The following NLRP2 variants were observed in gnomAD, a reference collection of about 807,000 sequenced individuals.
The protein encoded by NLRP2 is NLR family pyrin domain containing 2.
In NLRP2, 107 loss-of-function variants were observed where a neutral mutation model predicts 97.2. That is an observed-to-expected ratio of 1.10 (90% confidence interval 0.94 to 1.29). The LOEUF is 1.29. NLRP2 is among the 50% of genes most tolerant of loss of function. NLRP2 has a pLI of 0.00. For synonymous variants in NLRP2, 663 were observed against 551.5 expected, an observed-to-expected ratio of 1.20 and a Z score of -2.83; for missense variants, 1,495 against 1,330.3, an observed-to-expected ratio of 1.12 and a Z score of -1.93.
rs760200706 is a variant in NLRP2 at position 54,986,232 on chromosome 19, C to T, written c.2283C>T (p.Thr761=). 2.5e-6 allele frequency: 4 copies of T among 1,613,390 alleles called. No individual in the cohort carries two copies. Among genetic ancestry groups the T allele is most frequent in the Non-Finnish European group, 3.4e-6 (4 of 1,179,372 alleles). The change falls in exon 8 of 13, where the codon ACC becomes ACT. Residue 761 remains threonine (T), a synonymous_variant. Coordinates refer to ENST00000448584, the MANE Select transcript of NLRP2 (RefSeq NM_017852.5). ...GTCACAAGACTGTAACGTATCTGAC[C>T]CTTCAAGGCAATGACCAGGATGATA... ...LRGHKTVTYL[T]LQGNDQDDMF...
intron 4 of NLRP2, among the ~76,000 whole-genome samples, chr19:54,981,402 A>G (rs1057045386): frequency 2.0e-5 from 3 of 151,934 alleles, no homozygotes; most frequent in African/African-American, 7.3e-5. Flanking sequence ...CCTGAGCTCA[A>G]GTGATCCACC....
chr19:54,986,589 TGCCCAGGCCAAAGTGCAATG>T (rs2072106170), intron 8 of NLRP2, among the ~76,000 whole-genome samples: 1 of 151,930 alleles, frequency 6.6e-6, no homozygotes, highest in South Asian at 2.1e-4. Context: ...CTTGCTCTGT[TGCCCAGGCCAAAGTGCAATG>T]GCACGATCTT....
chr19:54,989,000 C>G (rs1459072442), intron 8 of NLRP2, among the ~76,000 whole-genome samples: 1 of 152,000 alleles, frequency 6.6e-6, no homozygotes, highest in Non-Finnish European at 1.5e-5. Flanking sequence ...CTCTGTCGCC[C>G]AGGCTAGAGT....
At chr19:54,985,310 C>A in intron 7 of NLRP2, 93 bp downstream of exon 7, 5 of 1,168,728 alleles carry the variant, frequency 4.3e-6, no homozygotes, top group South Asian at 2.5e-5. Context: ...CTGTACTAGA[C>A]TCTTAAGTGC....
intron 3 of NLRP2, among the ~76,000 whole-genome samples, chr19:54,975,933 T>C (rs2071203335): frequency 6.6e-6 from 1 of 151,822 alleles, no homozygotes. Flanking sequence ...GTATTTTTGG[T>C]AGGGACAGTT....
rs36061621 is a variant in NLRP2 at position 54,984,485 on chromosome 19, C to CTTTTTTTTTTTTTTT, written c.2031-561_2031-547dup. Among the ~76,000 whole-genome samples the CTTTTTTTTTTTTTTT allele has an allele frequency of 1.6e-3, 124 of 76,904 alleles. 17 individuals carry two copies. Among genetic ancestry groups the CTTTTTTTTTTTTTTT allele is most frequent in the Middle Eastern group, 7.1e-3 (1 of 140 alleles). The allele number at this position is 76,904 out of a possible 152,430, so 50.5% of individuals were successfully genotyped here. ...ATGTATAGATATGTATATTCCCAAT[C>CTTTTTTTTTTTTTTT]TTTTTTTTTTTTTTTGAGACGGAGT... On this transcript the variant is annotated intron_variant, in intron 6 of 12. Coordinates refer to ENST00000448584, the MANE Select transcript of NLRP2 (RefSeq NM_017852.5).
intron 3 of NLRP2, among the ~76,000 whole-genome samples, chr19:54,977,487 TTGTGTGTG>T (rs61515967): frequency 0.069 from 10,148 of 147,386 alleles, 1,105 homozygotes; most frequent in African/African-American, 0.23. Context: ...CGTGAGTAGT[TTGTGTGTG>T]TGTGTGTGTG....
intron 5 of NLRP2, 28 bp downstream of exon 5, chr19:54,981,710 C>G (rs370478609): frequency 1.6e-6 from 2 of 1,231,128 alleles, no homozygotes; most frequent in Non-Finnish European, 2.4e-6. Flanking sequence ...CTGCAGGGAG[C>G]TTGGGATCAG....
At chr19:54,998,631 CTTT>C (rs1179005483) in intron 12 of NLRP2, among the ~76,000 whole-genome samples, 14,447 of 61,816 alleles carry the variant, frequency 0.23, 1,189 homozygotes, top group Non-Finnish European at 0.28. Flanking sequence ...TTTTTTTTTC[CTTT>C]TTTTTTTTTT....
At position 54,983,230 on chromosome 19, in the gene NLRP2, C is replaced by G; in HGVS notation, c.1532C>G (p.Thr511Ser). The G allele has an allele frequency of 2.5e-6, 4 of 1,614,056 alleles. 1 individual carries two copies. The highest frequency in any genetic ancestry group is 3.4e-6 in the Non-Finnish European group (4 of 1,179,974). The change falls in exon 6 of 13, where the codon ACT (threonine) becomes AGT (serine). Residue 511 changes from threonine to serine, a missense_variant. Transcript: ENST00000448584. ...FIHLSFQQFL[T>S]ALFYTLEKEE... ...CACCTCAGCTTCCAGCAGTTTCTCA[C>G]TGCCCTGTTCTACACCCTGGAGAAG...
Position 54,988,232 on chromosome 19 carries a change from G to T in NLRP2, c.2367-1790G>T, listed in dbSNP as rs560628438. 2.6e-5 allele frequency among the ~76,000 whole-genome samples: 4 copies of T among 152,198 alleles called. No homozygotes were observed. In the East Asian group the frequency reaches 7.7e-4, roughly 29 times the overall value. ...CAATTACCCTCTTTTCTTTTTGCCT[G>T]AGAATAATGGGATGCAGGGTGAGGG... On this transcript the variant is annotated intron_variant, in intron 8 of 12. Transcript: ENST00000448584.
intron 7 of NLRP2, 75 bp downstream of exon 7, chr19:54,985,292 T>G: frequency 7.1e-7 from 1 of 1,403,320 alleles, no homozygotes; most frequent in Admixed American, 1.7e-5. Context: ...GGAGCAATAT[T>G]CAGATTCCTG....
chr19:54,982,638 G>A lies in NLRP2; in HGVS notation c.940G>A (p.Val314Met), dbSNP rs2071671676. 1 of 1,614,058 alleles carries A rather than the reference G, an allele frequency of 6.2e-7. No individual in the cohort carries two copies. Among genetic ancestry groups the A allele is most frequent in the African/African-American group, 1.3e-5 (1 of 74,926 alleles). Residue 314 changes from valine to methionine, a missense_variant, in exon 6 of 13, where the codon GTG (valine) becomes ATG (methionine). Physicochemically the swap from Val to Met is conservative, Grantham distance 21. Transcript: ENST00000448584. Reference sequence around the variant, plus strand: ...CGGGGACTGGGAGAAGAAGAAGCCGGTGCCCGTCCTCCTGGGGAGTTTGCT... The same window carrying A: ...CGGGGACTGGGAGAAGAAGAAGCCGATGCCCGTCCTCCTGGGGAGTTTGCT... ...ICGDWEKKKP[V>M]PVLLGSLLNR...
Position 54,970,154 on chromosome 19 carries a change from G to A in NLRP2, c.139G>A (p.Val47Ile). ...GCTCCAGAAGATCCCCCACAAGGAG[G>A]TAGACAAGGCTGATGGGAAGCAACT... ...HELQKIPHKEVDKADGKQLVE... is the reference protein window; with the variant it reads ...HELQKIPHKEIDKADGKQLVE... Residue 47 changes from valine (V) to isoleucine (I), a missense_variant, in exon 2 of 13, where the codon GTA (valine) becomes ATA (isoleucine). Physicochemically the swap from Val to Ile is conservative, Grantham distance 29. Coordinates refer to ENST00000448584, the MANE Select transcript of NLRP2 (RefSeq NM_017852.5). The A allele has an allele frequency of 6.2e-7, 1 of 1,614,120 alleles. No homozygotes were observed. Among genetic ancestry groups the A allele is most frequent in the Non-Finnish European group, 8.5e-7 (1 of 1,180,016 alleles).
intron 10 of NLRP2, chr19:54,990,968 T>A (rs2072438442): frequency 2.3e-6 from 1 of 442,076 alleles, no homozygotes; most frequent in African/African-American, 2.0e-5. Context: ...CCTAGGCTGG[T>A]CTCAAACTCC....
chr19:54,990,386 G>T, intron 9 of NLRP2, 116 bp from the exon 10 acceptor site: 1 of 1,169,656 alleles, frequency 8.5e-7, no homozygotes, highest in Admixed American at 1.8e-5. Flanking sequence ...ACCAGTGCAT[G>T]ATAGAAGGTG....
intron 10 of NLRP2, chr19:54,993,149 G>T (rs1271189376): frequency 6.6e-6 from 1 of 151,292 alleles, no homozygotes; most frequent in Non-Finnish European, 1.5e-5. Flanking sequence ...AACCTGGGAG[G>T]CGGAAGTTGC....
In NLRP2 at chr19:54,970,086, G is replaced by A; in HGVS notation, c.71G>A (p.Ser24Asn). 6.2e-7 allele frequency: 1 copy of A among 1,614,090 alleles called. No individual in the cohort carries two copies. The highest frequency in any genetic ancestry group is 8.5e-7 in the Non-Finnish European group (1 of 1,180,020). Residue 24 changes from serine to asparagine, a missense_variant, in exon 2 of 13, where the codon AGC becomes AAC. Physicochemically the swap from Ser to Asn is conservative, Grantham distance 46. Coordinates refer to ENST00000448584, the MANE Select transcript of NLRP2 (RefSeq NM_017852.5). ...GAGCAGCTCAGCCAGGATGAGTTGAGCAAGTTCAAGTATCTGATCACGACC... is the reference window on the plus strand; with the variant it reads ...GAGCAGCTCAGCCAGGATGAGTTGAACAAGTTCAAGTATCTGATCACGACC... The part of the protein sequence containing the change: ...LLEQLSQDEL[S>N]KFKYLITTFS...
At chr19:54,990,284 C>T in intron 9 of NLRP2, 92 bp downstream of exon 9, 1 of 1,354,424 alleles carries the variant, frequency 7.4e-7, no homozygotes, top group Admixed American at 1.7e-5. Context: ...TATGGAACCT[C>T]TCGCTGATGT....
Sources: gnomAD v4.1 joint callset for allele counts (sites outside exome capture counted in the v4.1 genomes callset) on GRCh38, gnomAD v4.1.1 for gene constraint, MANE v1.5 for transcripts, NCBI Gene and HGNC (gene_info 2026-07-23, HGNC 2026-07-21) for gene names.